DCC: variants seen among roughly 807,000 people sequenced by gnomAD.
The protein encoded by DCC is netrin receptor DCC.
DCC carries 58 observed loss-of-function variants against 172.5 expected under a neutral mutation model. The ratio of observed to expected loss-of-function variants is 0.34; its 90% CI spans 0.27 to 0.42. DCC has a LOEUF of 0.42. Among genes scored for constraint, DCC ranks in the 10% least tolerant of loss-of-function variants. DCC has a pLI of 1.00. For synonymous variants in DCC, 709 were observed against 644.5 expected, an observed-to-expected ratio of 1.10 and a Z score of -1.52; for missense variants, 1,740 against 1,791.0, an observed-to-expected ratio of 0.97 and a Z score of 0.51.
chr18:52,853,864 C>T (rs1417273950), intron 2 of DCC, among the ~76,000 whole-genome samples: 3 of 152,160 alleles, frequency 2.0e-5, no homozygotes, highest in East Asian at 3.9e-4. Flanking sequence ...TGCCTAACTT[C>T]GGGGTAGGAG....
At chr18:52,524,061 T>C (rs2144671434) in intron 1 of DCC, among the ~76,000 whole-genome samples, 1 of 152,336 alleles carries the variant, frequency 6.6e-6, no homozygotes, top group South Asian at 2.1e-4. Context: ...TTACACCAAG[T>C]TTCTCTAATA....
intron 13 of DCC, among the ~76,000 whole-genome samples, chr18:53,320,421 T>G (rs534153025): frequency 2.1e-4 from 32 of 152,326 alleles, no homozygotes; most frequent in Middle Eastern, 3.4e-3. Context: ...AAGAGCATTA[T>G]GAAAGTCATA....
chr18:52,630,783 T>G (rs1337314092), intron 1 of DCC, among the ~76,000 whole-genome samples: 1 of 152,238 alleles, frequency 6.6e-6, no homozygotes, highest in African/African-American at 2.4e-5. Context: ...GAGGTTACAC[T>G]TAAACATTAC....
chr18:53,035,200 A>G (rs1409047871), intron 5 of DCC, among the ~76,000 whole-genome samples: 1 of 151,672 alleles, frequency 6.6e-6, no homozygotes, highest in Non-Finnish European at 1.5e-5. Context: ...TGGGAACATT[A>G]CAGATCTTCT....
intron 1 of DCC, among the ~76,000 whole-genome samples, chr18:52,732,358 A>G (rs1313472757): frequency 6.6e-6 from 1 of 152,198 alleles, no homozygotes; most frequent in African/African-American, 2.4e-5. Flanking sequence ...ATTCTAAAAT[A>G]ATCATGGATT....
intron 13 of DCC, among the ~76,000 whole-genome samples, chr18:53,307,897 G>GTATATATA (rs771876514): frequency 1.5e-5 from 1 of 67,410 alleles, no homozygotes; most frequent in African/African-American, 4.8e-5. Flanking sequence ...GTGTGTGTAT[G>GTATATATA]TATATATATA....
At chr18:53,482,110 G>A (rs1192157295) in intron 25 of DCC, among the ~76,000 whole-genome samples, 2 of 151,910 alleles carry the variant, frequency 1.3e-5, no homozygotes, top group Non-Finnish European at 2.9e-5. Context: ...CAAAACTGAC[G>A]TCAAGGGGAA....
intron 1 of DCC, among the ~76,000 whole-genome samples, chr18:52,426,973 C>T (rs578228647): frequency 6.6e-5 from 10 of 152,134 alleles, no homozygotes; most frequent in South Asian, 2.1e-4. Context: ...AGTTCTATGA[C>T]GTAGGTGCTG....
chr18:53,351,320 G>GTATATATATATATATATACACTGTA lies in DCC; in HGVS notation c.2359+11425_2359+11426insTATATACACTGTATATATATATATA, dbSNP rs201328758. 3.7e-4 allele frequency among the ~76,000 whole-genome samples: 11 copies of GTATATATATATATATATACACTGTA among 29,632 alleles called. 2 individuals carry two copies. Among genetic ancestry groups the GTATATATATATATATATACACTGTA allele is most frequent in the African/African-American group, 1.3e-3 (11 of 8,576 alleles). 19.4% of individuals were successfully genotyped at this position (29,632 alleles called of 152,430 possible). Reference sequence around the variant, plus strand: ...ATATATATATATATATATATACACTGTATATATATATACAGTGTATATATA... The same window carrying GTATATATATATATATATACACTGTA: ...ATATATATATATATATATATACACTGTATATATATATATATATACACTGTATATATATATATACAGTGTATATATA... On this transcript the variant is annotated intron_variant, in intron 15 of 28. Transcript: ENST00000442544.
Position 53,322,646 on chromosome 18 carries a change from T to C in DCC, c.2164+489T>C, listed in dbSNP as rs150194363. ...ATAAAAGACAACTTACTTTATTTGC[T>C]TAGCTGATAGTTGTCCTGAAACATT... On this transcript the variant is annotated intron_variant, in intron 14 of 28. Coordinates refer to ENST00000442544, the MANE Select transcript of DCC (RefSeq NM_005215.4). 4.5e-4 allele frequency among the ~76,000 whole-genome samples: 69 copies of C among 152,024 alleles called. 1 individual carries two copies. The highest frequency in any genetic ancestry group is 1.6e-3 in the African/African-American group (65 of 41,538).
At chr18:52,610,221 A>G (rs1212358544) in intron 1 of DCC, among the ~76,000 whole-genome samples, 10 of 88,458 alleles carry the variant, frequency 1.1e-4, no homozygotes, top group African/African-American at 4.8e-4. Context: ...ATATATATAT[A>G]TATATAAAAT....
Position 53,402,831 on chromosome 18 carries a change from G to A in DCC, c.2873G>A (p.Gly958Glu), listed in dbSNP as rs773304303. The A allele has an allele frequency of 1.9e-6, 3 of 1,614,102 alleles. No individual in the cohort carries two copies. Among genetic ancestry groups the A allele is most frequent in the Non-Finnish European group, 2.5e-6 (3 of 1,179,990 alleles). The stretch of plus-strand genomic sequence containing the variant: ...GACTTGACAGTCATTACTAGGGAAG[G>A]GAAGCCTCGTGCCGTCATTGTGAGT... ...PKDLTVITREGKPRAVIVSWQ... is the reference protein window; with the variant it reads ...PKDLTVITREEKPRAVIVSWQ... The change falls in exon 19 of 29, where the codon GGG (glycine) becomes GAG (glutamate). Residue 958 changes from glycine to glutamate, a missense_variant. Transcript: ENST00000442544.
At chr18:52,970,269 C>T (rs1349376405) in intron 5 of DCC, among the ~76,000 whole-genome samples, 1 of 152,008 alleles carries the variant, frequency 6.6e-6, no homozygotes. Context: ...TATTAAAATA[C>T]AATCCACACT....
intron 1 of DCC, among the ~76,000 whole-genome samples, chr18:52,569,140 A>G (rs756749011): frequency 3.3e-5 from 5 of 152,196 alleles, no homozygotes; most frequent in Non-Finnish European, 7.3e-5. Flanking sequence ...TGCCAGCTAC[A>G]TAGCCGTCCA....
intron 5 of DCC, among the ~76,000 whole-genome samples, chr18:52,977,383 A>G (rs1048374509): frequency 6.6e-6 from 1 of 152,154 alleles, no homozygotes; most frequent in African/African-American, 2.4e-5. Context: ...GCCCATGAGG[A>G]CATTTAAAAA....
At chr18:52,924,337 T>A (rs1318903306) in intron 4 of DCC, among the ~76,000 whole-genome samples, 1 of 152,102 alleles carries the variant, frequency 6.6e-6, no homozygotes, top group South Asian at 2.1e-4. Flanking sequence ...TCAACTGTAC[T>A]TCAATAAAGC....
At chr18:53,441,291 G>A (rs1355448265) in intron 22 of DCC, among the ~76,000 whole-genome samples, 1 of 152,038 alleles carries the variant, frequency 6.6e-6, no homozygotes, top group Non-Finnish European at 1.5e-5. Context: ...CCAGGCCTTT[G>A]TCTTCTGTTT....
chr18:52,845,187 C>T (rs960138857), intron 2 of DCC, among the ~76,000 whole-genome samples: 8 of 152,148 alleles, frequency 5.3e-5, no homozygotes, highest in Non-Finnish European at 1.2e-4. Flanking sequence ...AGAACAATTT[C>T]CAAGAATATT....
At chr18:53,284,745 A>C (rs183000291) in intron 12 of DCC, among the ~76,000 whole-genome samples, 168 of 152,320 alleles carry the variant, frequency 1.1e-3, no homozygotes, top group African/African-American at 3.8e-3. Context: ...AGAAGAAGAC[A>C]GGAAAATGCG....
Sources: allele counts gnomAD v4.1 joint callset (sites outside exome capture counted in the v4.1 genomes callset), GRCh38; gene constraint gnomAD v4.1.1; transcripts MANE v1.5; gene names NCBI Gene and HGNC (gene_info 2026-07-23, HGNC 2026-07-21).